KRT40: variants seen among roughly 807,000 people sequenced by gnomAD.
The protein encoded by KRT40 is keratin, type I cytoskeletal 40.
A neutral mutation model predicts 43.5 loss-of-function variants in KRT40; 47 were observed. That is an observed-to-expected ratio of 1.08 (90% confidence interval 0.86 to 1.38). KRT40 has a LOEUF of 1.38. Among genes scored for constraint, KRT40 ranks in the 40% most tolerant of loss-of-function variants. KRT40 has a pLI of 0.00. For missense variants in KRT40, 573 were observed against 523.6 expected, an observed-to-expected ratio of 1.09 and a Z score of -0.92; for synonymous variants, 212 against 214.0, an observed-to-expected ratio of 0.99 and a Z score of 0.08.
At chr17:40,986,734 A>AG (rs1391662752), upstream of KRT40, among the ~76,000 whole-genome samples, 1 of 150,324 alleles carries the variant, frequency 6.7e-6, no homozygotes, top group African/African-American at 2.4e-5. Flanking sequence ...GGCCATGATA[A>AG]AAAAAAAAAC....
upstream of KRT40, chr17:40,984,339 C>T (rs112679140): frequency 0.13 from 161,652 of 1,261,154 alleles, 11,030 homozygotes; most frequent in Non-Finnish European, 0.14. Flanking sequence ...AAACTCTCCT[C>T]TCCTGAGAGT....
chr17:40,978,925 C>T lies in KRT40; in HGVS notation c.1075G>A (p.Ala359Thr). The change falls in exon 6 of 7, where the codon GCC (alanine) becomes ACC (threonine). Residue 359 changes from alanine (A) to threonine (T), a missense_variant. Transcript: ENST00000377755. ...CLIDNLENQL[A>T]EIRCDLERQN... is the part of the protein sequence containing the mutation. ...CGCTCCAGGTCGCAGCGGATCTCGG[C>T]CAGCTGGTTCTCCAGGTTATCGATC... 1 of 1,614,132 alleles carries T rather than the reference C, an allele frequency of 6.2e-7. No individual in the cohort carries two copies. The highest frequency in any genetic ancestry group is 8.5e-7 in the Non-Finnish European group (1 of 1,180,018).
At chr17:40,983,615 T>A (rs1327249073) in intron 1 of KRT40, among the ~76,000 whole-genome samples, 2 of 152,178 alleles carry the variant, frequency 1.3e-5, no homozygotes, top group Admixed American at 6.5e-5. Context: ...TACAGGCAAG[T>A]TACTTTATTA....
At chr17:40,980,665 G>T in intron 5 of KRT40, 120 bp downstream of exon 5, 1 of 1,293,092 alleles carries the variant, frequency 7.7e-7, no homozygotes, top group Non-Finnish European at 1.1e-6. Context: ...ATTAATAGCT[G>T]GGTAAACGGC....
In KRT40 at chr17:40,983,133, GA is replaced by G; in HGVS notation, c.448-6del. ...CTCTGCTTTCGTGCATAAGATCTGGGAAGCAAGTCATTATGTGATAAATGAT... is the reference window on the plus strand; with the variant it reads ...CTCTGCTTTCGTGCATAAGATCTGGGAGCAAGTCATTATGTGATAAATGAT... On this transcript the variant is annotated splice_polypyrimidine_tract_variant and splice_region_variant and intron_variant, in intron 1 of 6. Transcript: ENST00000377755. 7.4e-7 allele frequency: 1 copy of G among 1,345,216 alleles called. No individual in the cohort carries two copies. 83.3% of individuals were successfully genotyped at this position (1,345,216 alleles called of 1,614,324 possible).
upstream of KRT40, among the ~76,000 whole-genome samples, chr17:40,985,706 C>T (rs1167281134): frequency 2.6e-5 from 4 of 152,140 alleles, no homozygotes; most frequent in Non-Finnish European, 5.9e-5. Context: ...CTTTACACAT[C>T]AACACTTATG....
chr17:40,978,347 A>G (rs1911908009), intron 6 of KRT40, 51 bp from the exon 7 acceptor site: 1 of 1,414,836 alleles, frequency 7.1e-7, no homozygotes, highest in Admixed American at 1.7e-5. Flanking sequence ...TGTTGATAAA[A>G]TGGCAACTCA....
At position 40,978,688 on chromosome 17, in the gene KRT40, A is replaced by G; in HGVS notation, c.1196+116T>C. The G allele has an allele frequency of 3.7e-6, 3 of 808,178 alleles. No individual in the cohort carries two copies. In the East Asian group the frequency reaches 7.4e-5, roughly 20 times the overall value. The allele number at this position is 808,178 out of a possible 1,614,324, so 50.1% of individuals were successfully genotyped here. A position where few individuals can be genotyped will look rare whatever the true frequency, so the allele number is the denominator to read the frequency against. On this transcript the variant is annotated intron_variant, in intron 6 of 6. Coordinates refer to ENST00000377755, the MANE Select transcript of KRT40 (RefSeq NM_001389244.1). ...GCCACTTTTCAGCACTTTTTTAAGAAGATCCCTAAACACACTGGGGAGGTC... is the reference window on the plus strand; with the variant it reads ...GCCACTTTTCAGCACTTTTTTAAGAGGATCCCTAAACACACTGGGGAGGTC...
In KRT40 at chr17:40,978,929, C is replaced by G. The variant is rs781675172; in HGVS notation, c.1071G>C (p.Gln357His). 3 of 1,614,172 alleles carry G rather than the reference C, an allele frequency of 1.9e-6. No individual in the cohort carries two copies. The highest frequency in any genetic ancestry group is 2.5e-6 in the Non-Finnish European group (3 of 1,180,034). Residue 357 changes from glutamine to histidine, a missense_variant, in exon 6 of 7, where the codon CAG (glutamine) becomes CAC (histidine). Transcript: ENST00000377755. ...IQCLIDNLEN[Q>H]LAEIRCDLER... ...CCAGGTCGCAGCGGATCTCGGCCAG[C>G]TGGTTCTCCAGGTTATCGATCAGAC...
In KRT40 at chr17:40,983,176, A is replaced by G. The variant is rs1912277673; in HGVS notation, c.448-48T>C. 3 of 807,278 alleles carry G rather than the reference A, an allele frequency of 3.7e-6. No homozygotes were observed. The East Asian group carries it at 7.8e-5, about 21-fold the overall frequency. 50.0% of individuals were successfully genotyped at this position (807,278 alleles called of 1,614,324 possible). ...ATAAATGATTCTTTGAGAGAAACCT[A>G]AGTAAACTTCTATCCAACAGCTATG... On this transcript the variant is annotated intron_variant, in intron 1 of 6. Coordinates refer to ENST00000377755, the MANE Select transcript of KRT40 (RefSeq NM_001389244.1).
chr17:40,980,963 TGACA>T, intron 4 of KRT40, 23 bp downstream of exon 4: 1 of 1,614,134 alleles, frequency 6.2e-7, no homozygotes, highest in East Asian at 2.2e-5. Flanking sequence ...TCTGTAAGCC[TGACA>T]TTTTTTCAAT....
chr17:40,984,702 C>T (rs1333141173), upstream of KRT40, among the ~76,000 whole-genome samples: 2 of 152,078 alleles, frequency 1.3e-5, no homozygotes, highest in African/African-American at 4.8e-5. Flanking sequence ...GCTTGTGTCC[C>T]CTTTTAAAAT....
At chr17:40,981,964 C>T (rs746425409) in intron 3 of KRT40, among the ~76,000 whole-genome samples, 16 of 152,054 alleles carry the variant, frequency 1.1e-4, no homozygotes, top group South Asian at 8.3e-4. Context: ...CTGCAACCTC[C>T]GCCTCCTGAG....
upstream of KRT40, among the ~76,000 whole-genome samples, chr17:40,985,187 C>A (rs140571041): frequency 0.011 from 1,646 of 152,120 alleles, 31 homozygotes; most frequent in African/African-American, 0.037. Flanking sequence ...AGATGTAGAG[C>A]CTGTTTTCTC....
At chr17:40,983,200 T>C (rs969344755) in intron 1 of KRT40, 72 bp from the exon 2 acceptor site, 14 of 650,698 alleles carry the variant, frequency 2.2e-5, no homozygotes, top group Non-Finnish European at 3.5e-5. Context: ...CCAACAGCTA[T>C]GCCATTAGCT....
At chr17:40,985,844 A>G (rs962103980), upstream of KRT40, among the ~76,000 whole-genome samples, 1 of 152,208 alleles carries the variant, frequency 6.6e-6, no homozygotes, top group African/African-American at 2.4e-5. Context: ...ACAGTAACCT[A>G]ATGAGTCAAA....
At chr17:40,986,270 CAAAG>C (rs1264478339), upstream of KRT40, 38 of 152,326 alleles carry the variant, frequency 2.5e-4, no homozygotes, top group African/African-American at 8.9e-4. Flanking sequence ...AAACAAAAAA[CAAAG>C]AAAGAAAGCA....
In KRT40 at chr17:40,978,072, A is replaced by G; in HGVS notation, c.*125T>C. 1.5e-6 allele frequency: 1 copy of G among 681,394 alleles called. No individual in the cohort carries two copies. The highest frequency in any genetic ancestry group is 2.3e-5 in the Admixed American group (1 of 43,342). 42.2% of individuals were successfully genotyped at this position (681,394 alleles called of 1,614,324 possible). A position where few individuals can be genotyped will look rare whatever the true frequency, so the allele number is the denominator to read the frequency against. ...AAGCAGAAAGACTGAGGATACCTGG[A>G]GGGCAATTCCAGGATATGAGAGCCT... On this transcript the variant is annotated 3_prime_UTR_variant, in exon 7 of 7. Transcript: ENST00000377755.
At chr17:40,983,340 G>C (rs923069879) in intron 1 of KRT40, among the ~76,000 whole-genome samples, 5 of 152,138 alleles carry the variant, frequency 3.3e-5, no homozygotes, top group African/African-American at 1.2e-4. Context: ...AAAAGGTTTA[G>C]TTTTTTAATA....
Sources: allele counts gnomAD v4.1 joint callset (sites outside exome capture counted in the v4.1 genomes callset), GRCh38; gene constraint gnomAD v4.1.1; transcripts MANE v1.5; gene names NCBI Gene and HGNC (gene_info 2026-07-23, HGNC 2026-07-21).